Variants in NQO2 observed in about 807,000 individuals in gnomAD.
NQO2 encodes N-ribosyldihydronicotinamide:quinone dehydrogenase 2.
Under a neutral mutation model 22.0 loss-of-function variants are expected in NQO2, and 18 were observed. The ratio of observed to expected loss-of-function variants is 0.82; its 90% CI spans 0.56 to 1.21. The LOEUF is 1.21. Among genes scored for constraint, NQO2 ranks in the 50% most tolerant of loss-of-function variants. The pLI, the probability that NQO2 is intolerant of heterozygous loss-of-function variation, is 0.00. For missense variants in NQO2, 267 were observed against 286.9 expected, an observed-to-expected ratio of 0.93 and a Z score of 0.50; for synonymous variants, 106 against 110.8, an observed-to-expected ratio of 0.96 and a Z score of 0.28.
At position 3,009,946 on chromosome 6, in the gene NQO2, C is replaced by G. The variant is rs567617705; in HGVS notation, c.8-79C>G. ...AATTACTATGATGCACCTGAACATT[C>G]AATTTTCATCTTAGTCTTCATTGAA... On this transcript the variant is annotated intron_variant, in intron 2 of 6. Transcript: ENST00000380455. 2.0e-5 allele frequency: 31 copies of G among 1,514,360 alleles called. No homozygotes were observed. In the East Asian group the frequency reaches 6.0e-4, roughly 29 times the overall value. 93.8% of individuals were successfully genotyped at this position (1,514,360 alleles called of 1,614,324 possible).
intron 6 of NQO2, among the ~76,000 whole-genome samples, chr6:3,017,639 A>G (rs1757381332): frequency 6.6e-6 from 1 of 152,228 alleles, no homozygotes; most frequent in African/African-American, 2.4e-5. Flanking sequence ...GGTGGTGGGC[A>G]GAGCAGTTCC....
rs28383651 is a variant in NQO2, at chr6:3,019,510, T to C, written c.551T>C (p.Val184Ala). 2.7e-4 allele frequency: 433 copies of C among 1,614,122 alleles called. 7 individuals are homozygous for C. In the East Asian group the frequency reaches 7.6e-3, roughly 28 times the overall value. The stretch of plus-strand genomic sequence containing the variant: ...ACATTACACTTCTGTGGATTTAAAG[T>C]CCTTGCCCCTCAGATCAGCTTTGCT... ...HGTLHFCGFK[V>A]LAPQISFAPE... Residue 184 changes from valine (V) to alanine (A), a missense_variant, in exon 7 of 7, where the codon GTC (valine) becomes GCC (alanine). Coordinates refer to ENST00000380455, the MANE Select transcript of NQO2 (RefSeq NM_000904.6).
Position 3,006,528 on chromosome 6 carries a change from G to C in NQO2, c.-25G>C. 6.2e-7 allele frequency: 1 copy of C among 1,612,710 alleles called. No homozygotes were observed. Among genetic ancestry groups the C allele is most frequent in the Non-Finnish European group, 8.5e-7 (1 of 1,179,414 alleles). On this transcript the variant is annotated 5_prime_UTR_variant, in exon 2 of 7. Transcript: ENST00000380455. The surrounding 1 kb of genome is among the most constrained non-coding windows in gnomAD (Gnocchi z 4.0). ...AGCCCCAGCCACCCATCAAATCAGAGAGAAGGAATCCACCTTCTTACGCTA... is the reference window on the plus strand; with the variant it reads ...AGCCCCAGCCACCCATCAAATCAGACAGAAGGAATCCACCTTCTTACGCTA...
chr6:3,000,445 G>C (rs1020319068), intron 1 of NQO2: 4 of 152,250 alleles, frequency 2.6e-5, no homozygotes, highest in Admixed American at 2.0e-4. Flanking sequence ...CTGAACCACT[G>C]GTTTGCGCTG....
At position 3,006,681 on chromosome 6, in the gene NQO2, G is replaced by A; in HGVS notation, c.7+122G>A. On this transcript the variant is annotated intron_variant, in intron 2 of 6. Coordinates refer to ENST00000380455, the MANE Select transcript of NQO2 (RefSeq NM_000904.6). The surrounding 1 kb of genome is among the most constrained non-coding windows in gnomAD (Gnocchi z 4.0). ...CCCTCCCACATTGACCTTCCAGGTG[G>A]GAGTTAGACTCTTAATCAGAAATTG... 1 of 961,760 alleles carries A rather than the reference G, an allele frequency of 1.0e-6. No individual in the cohort carries two copies. The highest frequency in any genetic ancestry group is 2.9e-5 in the East Asian group (1 of 34,404). 59.6% of individuals were successfully genotyped at this position (961,760 alleles called of 1,614,324 possible).
At chr6:3,004,519 C>A in intron 1 of NQO2, 1 of 985,648 alleles carries the variant, frequency 1.0e-6, no homozygotes, top group African/African-American at 1.7e-5. Flanking sequence ...GTGGAGCCCA[C>A]TCCTCAGCAC....
chr6:3,019,402 C>T, intron 6 of NQO2, 77 bp from the exon 7 acceptor site: 1 of 1,487,428 alleles, frequency 6.7e-7, no homozygotes. Flanking sequence ...CACCATTTCC[C>T]CCCTTAAATC....
chr6:3,015,640 C>T lies in NQO2; in HGVS notation c.414C>T (p.Leu138=). 6.2e-7 allele frequency: 1 copy of T among 1,613,984 alleles called. No homozygotes were observed. Among genetic ancestry groups the T allele is most frequent in the Non-Finnish European group, 8.5e-7 (1 of 1,179,938 alleles). The change falls in exon 5 of 7, where the codon CTC becomes CTT. Residue 138 remains leucine, a synonymous_variant. Coordinates refer to ENST00000380455, the MANE Select transcript of NQO2 (RefSeq NM_000904.6). ...DIPGFYDSGL[L]QGKLALLSVT... ...CAGGATTCTACGATTCCGGTTTGCTCCAGGTATGTGCTCTTGGATAAGGAT... is the reference window on the plus strand; with the variant it reads ...CAGGATTCTACGATTCCGGTTTGCTTCAGGTATGTGCTCTTGGATAAGGAT...
At chr6:3,002,630 A>T (rs1005241970) in intron 1 of NQO2, among the ~76,000 whole-genome samples, 3 of 151,784 alleles carry the variant, frequency 2.0e-5, no homozygotes, top group Non-Finnish European at 4.4e-5. Context: ...ATTACTCTCC[A>T]GCTTAAGAGG....
chr6:3,018,327 G>A (rs375764406), intron 6 of NQO2, among the ~76,000 whole-genome samples: 19 of 152,256 alleles, frequency 1.2e-4, no homozygotes, highest in African/African-American at 3.1e-4. Context: ...CCAACATGGC[G>A]AAACCCCATC....
At chr6:3,008,383 G>A (rs1757019964) in intron 2 of NQO2, among the ~76,000 whole-genome samples, 1 of 149,956 alleles carries the variant, frequency 6.7e-6, no homozygotes, top group Non-Finnish European at 1.5e-5. Context: ...CGTTGCTCCA[G>A]CCTGGGCAAC....
At chr6:3,014,469 C>T (rs1344362511) in intron 4 of NQO2, among the ~76,000 whole-genome samples, 1 of 152,158 alleles carries the variant, frequency 6.6e-6, no homozygotes. Context: ...CTCTGCTTCT[C>T]CTGTCCCCCT....
At chr6:3,009,249 C>T (rs565144579) in intron 2 of NQO2, among the ~76,000 whole-genome samples, 10 of 152,284 alleles carry the variant, frequency 6.6e-5, no homozygotes, top group Non-Finnish European at 1.2e-4. Flanking sequence ...AAGAATTCAG[C>T]GATATTTCTC....
intron 6 of NQO2, chr6:3,019,243 C>T: frequency 2.4e-6 from 1 of 414,646 alleles, no homozygotes; most frequent in Non-Finnish European, 3.2e-6. Context: ...AGGTTAATTG[C>T]AGTTATAAAA....
chr6:3,009,601 G>A (rs1183129523), intron 2 of NQO2, among the ~76,000 whole-genome samples: 1 of 152,242 alleles, frequency 6.6e-6, no homozygotes, highest in African/African-American at 2.4e-5. Flanking sequence ...AGAGATTGCA[G>A]TAAAGACAGG....
intron 2 of NQO2, among the ~76,000 whole-genome samples, chr6:3,007,189 C>CT (rs957414184): frequency 6.6e-6 from 1 of 152,064 alleles, no homozygotes; most frequent in African/African-American, 2.4e-5. Context: ...TGTTTAGCAC[C>CT]TAGCACCATC....
intron 1 of NQO2, 179 bp downstream of exon 1, chr6:3,000,264 C>CG (rs1339515909): frequency 6.6e-6 from 1 of 152,312 alleles, no homozygotes; most frequent in East Asian, 1.9e-4. Context: ...CGCGCCCACA[C>CG]GCAGGGTCCC....
intron 2 of NQO2, chr6:3,007,001 T>A (rs1756972393): frequency 5.0e-6 from 2 of 399,182 alleles, no homozygotes; most frequent in Non-Finnish European, 8.8e-6. Context: ...TACATGAACA[T>A]GCAATCTCTC....
chr6:3,015,407 C>T, intron 4 of NQO2, 123 bp from the exon 5 acceptor site: 1 of 1,476,798 alleles, frequency 6.8e-7, no homozygotes, highest in Non-Finnish European at 8.9e-7. Context: ...GGGTTACCCT[C>T]ACCTGCCCAG....
Sources: gnomAD v4.1 joint callset for allele counts (sites outside exome capture counted in the v4.1 genomes callset) on GRCh38, gnomAD v4.1.1 for gene constraint, Gnocchi (gnomAD v3.1) non-coding constraint, MANE v1.5 for transcripts, NCBI Gene and HGNC (gene_info 2026-07-23, HGNC 2026-07-21) for gene names.